Variants in POMT2 observed in about 807,000 individuals in gnomAD.
The protein encoded by POMT2 is protein O-mannosyl-transferase 2.
A neutral mutation model predicts 100.0 loss-of-function variants in POMT2; 75 were observed. That is an observed-to-expected ratio of 0.75 (90% CI 0.62 to 0.91). The LOEUF is 0.91. Ranked by LOEUF, POMT2 falls within the 40% of genes least tolerant of loss-of-function variation. The pLI, the probability that POMT2 is intolerant of heterozygous loss-of-function variation, is 0.00. For synonymous variants in POMT2, 378 were observed against 374.1 expected (o/e 1.01, Z -0.12); for missense variants, 940 against 955.1 (o/e 0.98, Z 0.21).
At chr14:77,277,601 T>C in intron 20 of POMT2, 120 bp from the exon 21 acceptor site, 1 of 814,982 alleles carries the variant, frequency 1.2e-6, no homozygotes, top group Non-Finnish European at 2.1e-6. Context: ...CCCGGTTCTC[T>C]TTCACGGCCT....
chr14:77,288,251 C>T (rs1367251739), intron 11 of POMT2, among the ~76,000 whole-genome samples: 1 of 152,198 alleles, frequency 6.6e-6, no homozygotes, highest in Admixed American at 6.5e-5. Context: ...TTTTTATGCT[C>T]TTAAGAAGTC....
intron 2 of POMT2, 144 bp from the exon 3 acceptor site, chr14:77,306,585 T>C (rs1594800385): frequency 3.3e-5 from 28 of 838,316 alleles, no homozygotes. Context: ...CAACATTTTC[T>C]CCTGCAGCTG....
At chr14:77,316,748 T>C (rs1386894851) in intron 1 of POMT2, among the ~76,000 whole-genome samples, 1 of 152,060 alleles carries the variant, frequency 6.6e-6, no homozygotes, top group African/African-American at 2.4e-5. Context: ...TAGGCCTGGC[T>C]CACCAATGAT....
chr14:77,311,137 A>C (rs1490238139), intron 2 of POMT2, among the ~76,000 whole-genome samples: 1 of 152,214 alleles, frequency 6.6e-6, no homozygotes, highest in African/African-American at 2.4e-5. Flanking sequence ...CTGTCTCAAA[A>C]ACAAACAAAC....
chr14:77,299,695 T>G, intron 6 of POMT2, 134 bp from the exon 7 acceptor site: 166 of 618,476 alleles, frequency 2.7e-4, no homozygotes, highest in East Asian at 3.5e-4. Context: ...GAGAGAAGAA[T>G]ATGTGGAAAC....
chr14:77,318,100 G>A (rs1328088034), intron 1 of POMT2, among the ~76,000 whole-genome samples: 1 of 152,184 alleles, frequency 6.6e-6, no homozygotes, highest in Non-Finnish European at 1.5e-5. Flanking sequence ...TGTAGCAATG[G>A]AAGGAAAGAA....
intron 6 of POMT2, 26 bp downstream of exon 6, chr14:77,301,064 T>C: frequency 6.2e-7 from 1 of 1,613,564 alleles, no homozygotes; most frequent in South Asian, 1.1e-5. Context: ...CAAAAACATT[T>C]CCACAGCAAA....
intron 18 of POMT2, 95 bp from the exon 19 acceptor site, chr14:77,278,964 T>C (rs765792729): frequency 4.8e-6 from 7 of 1,450,770 alleles, no homozygotes; most frequent in Non-Finnish European, 6.6e-6. Context: ...TGTGTGACCT[T>C]GAATATGTCA....
At chr14:77,294,692 T>G (rs143065093) in intron 9 of POMT2, among the ~76,000 whole-genome samples, 1 of 152,226 alleles carries the variant, frequency 6.6e-6, no homozygotes, top group South Asian at 2.1e-4. Flanking sequence ...AAATGTGACT[T>G]GCTCCTCCTT....
At chr14:77,289,226 A>G (rs1890554538) in intron 10 of POMT2, among the ~76,000 whole-genome samples, 1 of 151,930 alleles carries the variant, frequency 6.6e-6, no homozygotes, top group Admixed American at 6.6e-5. Context: ...CCCCATCTCT[A>G]CTAAAAATAC....
At chr14:77,278,610 A>T (rs945528369) in intron 19 of POMT2, 102 bp from the exon 20 acceptor site, 9 of 1,489,682 alleles carry the variant, frequency 6.0e-6, no homozygotes, top group Non-Finnish European at 6.5e-6. Flanking sequence ...AGTCACTCCC[A>T]GCACTGCTGC....
In POMT2 at chr14:77,279,033, G is replaced by A. The variant is rs61990291; in HGVS notation, c.1892-164C>T. On this transcript the variant is annotated intron_variant, in intron 18 of 20. Coordinates refer to ENST00000261534, the MANE Select transcript of POMT2 (RefSeq NM_013382.7). The stretch of plus-strand genomic sequence containing the variant: ...CAGAAACTGGAGAGGAGCAGCTGGG[G>A]CTCGAGAGCTCTGGTCAGGGCCCAG... The A allele has an allele frequency of 0.25, 233,173 of 948,676 alleles. 30,909 individuals carry two copies. Among genetic ancestry groups the A allele is most frequent in the East Asian group, 0.48 (18,155 of 37,884 alleles). 58.8% of individuals were successfully genotyped at this position (948,676 alleles called of 1,614,324 possible). A position where few individuals can be genotyped will look rare whatever the true frequency, so the allele number is the denominator to read the frequency against.
chr14:77,285,679 T>A (rs1890402289), intron 12 of POMT2, 47 bp from the exon 13 acceptor site: 1 of 1,580,758 alleles, frequency 6.3e-7, no homozygotes. Flanking sequence ...GAGGGGACTT[T>A]AGAGAAAACG....
intron 1 of POMT2, chr14:77,312,305 C>A (rs1003440032): frequency 8.8e-6 from 3 of 341,188 alleles, no homozygotes; most frequent in Non-Finnish European, 1.6e-5. Flanking sequence ...TACTCTGTAT[C>A]TTGAGTTTCT....
intron 11 of POMT2, chr14:77,287,069 G>C (rs1349889167): frequency 1.5e-6 from 1 of 667,900 alleles, no homozygotes; most frequent in Non-Finnish European, 2.3e-6. Context: ...CCAAGAAAGG[G>C]GCTAACTTTA....
chr14:77,277,500 AG>A lies in POMT2; in HGVS notation c.2148-20del. On this transcript the variant is annotated intron_variant, in intron 20 of 20. Transcript: ENST00000261534. ...GTAGAAGCTGTGAGAGAGAACCAGT[AG>A]GAGGCAGTTGGCACCCCCAGTGCCT... 6.3e-7 allele frequency: 1 copy of A among 1,581,880 alleles called. No individual in the cohort carries two copies. The highest frequency in any genetic ancestry group is 8.7e-7 in the Non-Finnish European group (1 of 1,150,694).
chr14:77,298,831 AGGAGCGC>A, intron 7 of POMT2, 60 bp from the exon 8 acceptor site: 1 of 1,485,676 alleles, frequency 6.7e-7, no homozygotes, highest in East Asian at 2.4e-5. Flanking sequence ...GTGATTTCCC[AGGAGCGC>A]TGGGAAGAGC....
chr14:77,294,097 C>T lies in POMT2; in HGVS notation c.1116+2067G>A, dbSNP rs1013259940. On this transcript the variant is annotated intron_variant, in intron 9 of 20. Transcript: ENST00000261534. ...GCATCAGAATTTTTAAAAATCTCTC[C>T]GTTGATTCTAAGTGCAGCCAGGGCT... Among the ~76,000 whole-genome samples, 15 of 152,048 alleles carry T rather than the reference C, an allele frequency of 9.9e-5. No individual in the cohort carries two copies. The East Asian group carries it at 2.3e-3, about 23-fold the overall frequency.
chr14:77,314,794 C>T (rs967173241), intron 1 of POMT2, among the ~76,000 whole-genome samples: 13 of 152,324 alleles, frequency 8.5e-5, no homozygotes, highest in African/African-American at 1.2e-4. Context: ...AAGTCTCCAA[C>T]GGTGCGGCAA....
Sources: gnomAD v4.1 joint callset for allele counts (sites outside exome capture counted in the v4.1 genomes callset) on GRCh38, gnomAD v4.1.1 for gene constraint, MANE v1.5 for transcripts, NCBI Gene and HGNC (gene_info 2026-07-23, HGNC 2026-07-21) for gene names.